WWOX: variants seen among roughly 807,000 people sequenced by gnomAD.
WWOX encodes the protein WW domain containing oxidoreductase.
In WWOX, 69 loss-of-function variants were observed where a neutral mutation model predicts 46.2. The ratio of observed to expected loss-of-function variants is 1.49; its 90% confidence interval spans 1.23 to 1.82. The LOEUF (loss-of-function observed/expected upper bound fraction) is 1.82. WWOX is among the 40% of genes most tolerant of loss of function. The pLI is 0.00. For missense variants in WWOX, 919 were observed against 542.6 expected, an observed-to-expected ratio of 1.69 and a Z score of -6.89; for synonymous variants, 359 against 202.6, an observed-to-expected ratio of 1.77 and a Z score of -6.56.
chr16:78,244,559 C>T (rs375648696), intron 5 of WWOX, among the ~76,000 whole-genome samples: 3 of 152,248 alleles, frequency 2.0e-5, no homozygotes, highest in Non-Finnish European at 4.4e-5. Context: ...CGTTGGCCTG[C>T]GTTGGTAAAT....
chr16:78,638,254 C>G (rs1284303708), intron 8 of WWOX, among the ~76,000 whole-genome samples: 1 of 152,144 alleles, frequency 6.6e-6, no homozygotes, highest in East Asian at 1.9e-4. Context: ...TTGAATGGCC[C>G]AAGTTTCCTA....
At chr16:78,994,969 C>CTTCTTTTTTTTTT in intron 8 of WWOX, among the ~76,000 whole-genome samples, 1 of 114,644 alleles carries the variant, frequency 8.7e-6, no homozygotes, top group Non-Finnish European at 1.7e-5. Flanking sequence ...TCTTCTTCTT[C>CTTCTTTTTTTTTT]TTTTTTTTTT....
At chr16:78,922,182 C>G (rs916452902) in intron 8 of WWOX, among the ~76,000 whole-genome samples, 1 of 152,056 alleles carries the variant, frequency 6.6e-6, no homozygotes, top group Non-Finnish European at 1.5e-5. Context: ...TCCAAGTCAA[C>G]TGATAACTGT....
At chr16:79,166,460 T>G (rs909030667) in intron 8 of WWOX, among the ~76,000 whole-genome samples, 1 of 152,222 alleles carries the variant, frequency 6.6e-6, no homozygotes, top group Non-Finnish European at 1.5e-5. Context: ...AGCCACTGTG[T>G]ACTTTCATAG....
intron 8 of WWOX, among the ~76,000 whole-genome samples, chr16:78,693,746 A>T (rs745597155): frequency 4.6e-5 from 7 of 152,170 alleles, no homozygotes; most frequent in Non-Finnish European, 1.0e-4. Context: ...ACAGAGAACT[A>T]TGCAGCTCTA....
chr16:78,754,487 T>G (rs901071226), intron 8 of WWOX, among the ~76,000 whole-genome samples: 1 of 152,208 alleles, frequency 6.6e-6, no homozygotes, highest in South Asian at 2.1e-4. Context: ...CGCTTTCTTT[T>G]CCTCACCTTC....
At chr16:78,270,862 G>T (rs749097835) in intron 5 of WWOX, among the ~76,000 whole-genome samples, 13 of 152,182 alleles carry the variant, frequency 8.5e-5, no homozygotes, top group Non-Finnish European at 1.3e-4. Context: ...CTGTGTGCCA[G>T]AGACGATACG....
At chr16:78,961,773 C>A (rs2046275352) in intron 8 of WWOX, among the ~76,000 whole-genome samples, 1 of 152,280 alleles carries the variant, frequency 6.6e-6, no homozygotes, top group Non-Finnish European at 1.5e-5. Flanking sequence ...ATCTTTTAAA[C>A]AAGTACCTCA....
chr16:78,443,649 G>C (rs1178477163), intron 8 of WWOX, among the ~76,000 whole-genome samples: 1 of 152,138 alleles, frequency 6.6e-6, no homozygotes, highest in Non-Finnish European at 1.5e-5. Flanking sequence ...CTTAGTATGT[G>C]TAACAAATTA....
intron 8 of WWOX, among the ~76,000 whole-genome samples, chr16:79,107,127 G>C (rs1310965803): frequency 2.0e-5 from 3 of 151,992 alleles, no homozygotes; most frequent in African/African-American, 7.2e-5. Context: ...TTTTTGTAGA[G>C]GCAGAATCTT....
At chr16:78,217,098 T>A (rs906457696) in intron 5 of WWOX, among the ~76,000 whole-genome samples, 1 of 152,212 alleles carries the variant, frequency 6.6e-6, no homozygotes, top group African/African-American at 2.4e-5. Context: ...TGCCACGCAG[T>A]CTACCATATT....
chr16:78,993,687 C>CG (rs2046933085), intron 8 of WWOX, among the ~76,000 whole-genome samples: 2 of 152,080 alleles, frequency 1.3e-5, no homozygotes, highest in African/African-American at 4.8e-5. Context: ...GTGGCTGCCA[C>CG]GGGGGGACAG....
chr16:78,478,302 A>G (rs1473907311), intron 8 of WWOX, among the ~76,000 whole-genome samples: 4 of 152,198 alleles, frequency 2.6e-5, no homozygotes, highest in Non-Finnish European at 5.9e-5. Context: ...AACACAGTGT[A>G]TCCATCTTCT....
At chr16:78,322,813 G>A (rs991942704) in intron 5 of WWOX, among the ~76,000 whole-genome samples, 5 of 152,198 alleles carry the variant, frequency 3.3e-5, no homozygotes, top group African/African-American at 1.2e-4. Flanking sequence ...AGCCATGGAC[G>A]CTACGTAAGA....
At chr16:78,794,357 C>T (rs759525905) in intron 8 of WWOX, among the ~76,000 whole-genome samples, 14 of 152,126 alleles carry the variant, frequency 9.2e-5, no homozygotes, top group Admixed American at 2.6e-4. Context: ...TCTGTTCTGG[C>T]TCAGGAAGCT....
At chr16:79,001,746 C>T (rs183457678) in intron 8 of WWOX, among the ~76,000 whole-genome samples, 14 of 150,242 alleles carry the variant, frequency 9.3e-5, no homozygotes, top group African/African-American at 1.5e-4. Context: ...AGGAAGGGGG[C>T]GTTTGTGCAG....
rs774023296 is a variant in WWOX at position 78,301,738 on chromosome 16, T to C, written c.517-85122T>C. Among the ~76,000 whole-genome samples the C allele has an allele frequency of 3.7e-4, 56 of 152,158 alleles. 1 individual carries two copies. Among genetic ancestry groups the C allele is most frequent in the Middle Eastern group, 6.4e-3 (2 of 314 alleles). On this transcript the variant is annotated intron_variant, in intron 5 of 8. Coordinates refer to ENST00000566780, the MANE Select transcript of WWOX (RefSeq NM_016373.4). ...CTGAGAATTGGAAATCAGGACTGTC[T>C]CTGGTCACTGATGGTTCAACTACAG...
intron 8 of WWOX, among the ~76,000 whole-genome samples, chr16:79,117,776 C>G (rs545409271): frequency 6.6e-6 from 1 of 152,314 alleles, no homozygotes; most frequent in African/African-American, 2.4e-5. Context: ...CTTCCTTAAA[C>G]CTCATGAACC....
chr16:79,054,044 C>A (rs958885358), intron 8 of WWOX, among the ~76,000 whole-genome samples: 4 of 151,802 alleles, frequency 2.6e-5, no homozygotes, highest in African/African-American at 9.7e-5. Flanking sequence ...ATTTTATTAC[C>A]TCATTATAAT....
Sources: allele counts gnomAD v4.1 joint callset (sites outside exome capture counted in the v4.1 genomes callset), GRCh38; gene constraint gnomAD v4.1.1; transcripts MANE v1.5; gene names NCBI Gene and HGNC (gene_info 2026-07-23, HGNC 2026-07-21).